The following SV2C variants were observed in gnomAD, a reference collection of about 807,000 sequenced individuals.
SV2C encodes synaptic vesicle glycoprotein 2C, also known as solute carrier family 22 member B3.
In SV2C, 49 loss-of-function variants were observed where a neutral mutation model predicts 79.7. That is an observed-to-expected ratio of 0.61 (90% CI 0.49 to 0.78). SV2C has a LOEUF of 0.78. Among genes scored for constraint, SV2C ranks in the 30% least tolerant of loss-of-function variants. The pLI is 0.00. For synonymous variants in SV2C, 334 were observed against 333.2 expected (o/e 1.00, Z -0.03); for missense variants, 833 against 912.9 (o/e 0.91, Z 1.13).
the SV2C span, among the ~76,000 whole-genome samples, chr5:75,919,234 G>C: frequency 1.3e-5 from 2 of 152,190 alleles, no homozygotes; most frequent in African/African-American, 2.4e-5. Flanking sequence ...AGCAAGAAAG[G>C]CTAGATCAGA....
At chr5:75,974,310 T>G in the SV2C span, among the ~76,000 whole-genome samples, 1 of 152,104 alleles carries the variant, frequency 6.6e-6, no homozygotes, top group East Asian at 1.9e-4. Flanking sequence ...AATTATGACC[T>G]TAAATACAGC....
chr5:76,173,101 G>C (rs1182239155), intron 2 of SV2C, among the ~76,000 whole-genome samples: 1 of 145,596 alleles, frequency 6.9e-6, no homozygotes, highest in Non-Finnish European at 1.5e-5. Context: ...CTATATAGCT[G>C]TGTTAATCAA....
At chr5:76,058,640 C>G in the SV2C span, among the ~76,000 whole-genome samples, 1 of 152,070 alleles carries the variant, frequency 6.6e-6, no homozygotes, top group Non-Finnish European at 1.5e-5. Context: ...AATATTCTAT[C>G]TTTTCATTAT....
chr5:75,878,003 A>G, the SV2C span, among the ~76,000 whole-genome samples: 48 of 152,034 alleles, frequency 3.2e-4, no homozygotes, highest in Non-Finnish European at 6.5e-4. Context: ...GACTGTGGAG[A>G]TGCTGGAACA....
chr5:76,228,140 C>T (rs1745310338), intron 4 of SV2C, among the ~76,000 whole-genome samples: 1 of 152,036 alleles, frequency 6.6e-6, no homozygotes, highest in Admixed American at 6.6e-5. Context: ...CCTTTGCAGG[C>T]TGCTCAAGGG....
At chr5:76,006,922 T>C in the SV2C span, among the ~76,000 whole-genome samples, 1 of 152,176 alleles carries the variant, frequency 6.6e-6, no homozygotes, top group Non-Finnish European at 1.5e-5. Flanking sequence ...TTGAAGCACT[T>C]CCTGGACTTC....
intron 11 of SV2C, 36 bp downstream of exon 11, chr5:76,300,968 C>T: frequency 6.2e-7 from 1 of 1,607,926 alleles, no homozygotes; most frequent in Non-Finnish European, 8.5e-7. Context: ...AAAAGAGCTG[C>T]CCCTGCAATC....
chr5:76,181,666 C>T (rs1047673488), intron 2 of SV2C, among the ~76,000 whole-genome samples: 3 of 151,914 alleles, frequency 2.0e-5, no homozygotes, highest in Middle Eastern at 3.2e-3. Context: ...TGTGAGGAGA[C>T]AGCACTAGGG....
chr5:75,869,820 C>G, the SV2C span, among the ~76,000 whole-genome samples: 1 of 152,172 alleles, frequency 6.6e-6, no homozygotes, highest in African/African-American at 2.4e-5. Context: ...GAGAGAGATT[C>G]CGTTTGTTTG....
chr5:76,146,673 G>T (rs540882712), intron 2 of SV2C, among the ~76,000 whole-genome samples: 1 of 152,000 alleles, frequency 6.6e-6, no homozygotes, highest in Non-Finnish European at 1.5e-5. Flanking sequence ...CAGCCCAGTA[G>T]GTCTCAGCCT....
At chr5:76,121,414 T>C (rs1748492974) in intron 1 of SV2C, among the ~76,000 whole-genome samples, 1 of 151,382 alleles carries the variant, frequency 6.6e-6, no homozygotes, top group South Asian at 2.1e-4. Flanking sequence ...TGCCATTGCT[T>C]TTGGTGTTTT....
the SV2C span, among the ~76,000 whole-genome samples, chr5:76,045,685 G>A: frequency 6.6e-6 from 1 of 152,186 alleles, no homozygotes; most frequent in Non-Finnish European, 1.5e-5. Flanking sequence ...GCTAATGCCA[G>A]TGTTTGGTTG....
At chr5:75,911,653 G>A in the SV2C span, 1 of 700,248 alleles carries the variant, frequency 1.4e-6, no homozygotes, top group Non-Finnish European at 2.7e-6. Context: ...GAACCCCGAA[G>A]AACTTTGCAC....
Position 76,333,493 on chromosome 5 carries a change from T to A in SV2C, c.*7946T>A, listed in dbSNP as rs1749242097. ...AGATCTTGGCAATGGTCCTGTCGGT[T>A]TTGGTGTTTGGATTGTTTGGCTTTG... is the stretch of plus-strand genomic sequence containing the variant. On this transcript the variant is annotated 3_prime_UTR_variant, in exon 13 of 13. Transcript: ENST00000502798. 1 of 152,200 alleles carries A rather than the reference T, an allele frequency of 6.6e-6. No homozygotes were observed. The highest frequency in any genetic ancestry group is 6.5e-5 in the Admixed American group (1 of 15,276). 9.4% of individuals were successfully genotyped at this position (152,200 alleles called of 1,614,324 possible).
At chr5:76,077,620 A>C in the SV2C span, among the ~76,000 whole-genome samples, 1 of 152,338 alleles carries the variant, frequency 6.6e-6, no homozygotes, top group East Asian at 1.9e-4. Context: ...CAGCCACAAG[A>C]GCAATCCACT....
the SV2C span, among the ~76,000 whole-genome samples, chr5:75,865,172 G>A: frequency 1.3e-5 from 2 of 152,190 alleles, no homozygotes; most frequent in Non-Finnish European, 2.9e-5. Flanking sequence ...CCACATACCT[G>A]GAATTGCCTG....
the SV2C span, among the ~76,000 whole-genome samples, chr5:75,864,098 A>G: frequency 6.6e-6 from 1 of 152,304 alleles, no homozygotes; most frequent in East Asian, 1.9e-4. Context: ...GACATGAGAA[A>G]CAACATAAAG....
chr5:76,053,927 T>C, the SV2C span, among the ~76,000 whole-genome samples: 12 of 152,048 alleles, frequency 7.9e-5, no homozygotes, highest in Admixed American at 7.9e-4. Context: ...GGAATGAAAA[T>C]TATTAATAAT....
At chr5:76,248,682 G>C (rs1469253024) in intron 4 of SV2C, among the ~76,000 whole-genome samples, 1 of 151,006 alleles carries the variant, frequency 6.6e-6, no homozygotes, top group Admixed American at 6.6e-5. Context: ...GCAGTGGTGC[G>C]ATCTTGGCTC....
Sources: allele counts gnomAD v4.1 joint callset (sites outside exome capture counted in the v4.1 genomes callset), GRCh38; gene constraint gnomAD v4.1.1; transcripts MANE v1.5; gene names NCBI Gene and HGNC (gene_info 2026-07-23, HGNC 2026-07-21).